The following TMTC1 variants were observed in gnomAD, a reference collection of about 807,000 sequenced individuals.
TMTC1 encodes the protein protein O-mannosyl-transferase TMTC1.
In TMTC1, 73 loss-of-function variants were observed where a neutral mutation model predicts 104.8. The ratio of observed to expected loss-of-function variants is 0.70; its 90% CI spans 0.58 to 0.85. TMTC1 has a LOEUF of 0.85. TMTC1 is among the 40% of genes least tolerant of loss of function. The probability of loss-of-function intolerance (pLI) is 0.00; values close to 1 mark genes in which losing one functional copy is unlikely to be tolerated. For missense variants in TMTC1, 1,035 were observed against 1,096.1 expected (o/e 0.94, Z 0.79); for synonymous variants, 434 against 428.7 (o/e 1.01, Z -0.15).
At chr12:29,527,328 A>G (rs1944376375) in intron 11 of TMTC1, among the ~76,000 whole-genome samples, 1 of 152,274 alleles carries the variant, frequency 6.6e-6, no homozygotes, top group Non-Finnish European at 1.5e-5. Flanking sequence ...CCATGCATGT[A>G]TACAGTGAAA....
chr12:29,533,805 A>C (rs552851282), intron 11 of TMTC1: 1 of 152,366 alleles, frequency 6.6e-6, no homozygotes, highest in East Asian at 1.9e-4. Context: ...CTAGAAAATC[A>C]GAAATGTCAG....
intron 6 of TMTC1, among the ~76,000 whole-genome samples, chr12:29,622,174 A>G (rs1937709286): frequency 6.6e-6 from 1 of 152,220 alleles, no homozygotes; most frequent in African/African-American, 2.4e-5. Context: ...GTCAGGTATC[A>G]GTAGCCCACC....
At chr12:29,738,361 C>T (rs1942736963) in intron 5 of TMTC1, among the ~76,000 whole-genome samples, 1 of 152,158 alleles carries the variant, frequency 6.6e-6, no homozygotes, top group Non-Finnish European at 1.5e-5. Flanking sequence ...AGTCAACATA[C>T]TATTTTCCTT....
intron 10 of TMTC1, among the ~76,000 whole-genome samples, chr12:29,555,154 T>C (rs921321724): frequency 2.1e-5 from 3 of 144,052 alleles, no homozygotes; most frequent in African/African-American, 7.8e-5. Flanking sequence ...TTTTTTTTTT[T>C]TGAGACAGAG....
intron 5 of TMTC1, among the ~76,000 whole-genome samples, chr12:29,704,651 C>T (rs1267284754): frequency 6.6e-6 from 1 of 152,132 alleles, no homozygotes; most frequent in Non-Finnish European, 1.5e-5. Flanking sequence ...TAATTTAAGA[C>T]TTTATAACTC....
At chr12:29,652,118 T>C (rs1414828458) in intron 5 of TMTC1, among the ~76,000 whole-genome samples, 3 of 152,132 alleles carry the variant, frequency 2.0e-5, no homozygotes, top group African/African-American at 7.2e-5. Context: ...CTCTGGTAAC[T>C]TGGTTGGCAC....
intron 11 of TMTC1, among the ~76,000 whole-genome samples, chr12:29,531,129 C>A (rs893912597): frequency 6.6e-6 from 1 of 152,156 alleles, no homozygotes; most frequent in Non-Finnish European, 1.5e-5. Context: ...TGAGGGTAAC[C>A]ACATACATAA....
Position 29,516,460 on chromosome 12 carries a change from C to CTGA in TMTC1, c.2193_2195dup (p.Gly731_Gln732insHis). On this transcript the variant is annotated inframe_insertion, in exon 15 of 18. Coordinates refer to ENST00000539277, the MANE Select transcript of TMTC1 (RefSeq NM_001193451.2). ...TGGTCATCTTTTCAGCTTCTTTTGT[C>CTGA]TGACCCATCACGGCCAAAACCTGAG... 6.2e-7 allele frequency: 1 copy of CTGA among 1,613,942 alleles called. No individual in the cohort carries two copies. The highest frequency in any genetic ancestry group is 8.5e-7 in the Non-Finnish European group (1 of 1,179,892).
chr12:29,552,984 AGT>A (rs1945145478), intron 10 of TMTC1, among the ~76,000 whole-genome samples: 4 of 152,234 alleles, frequency 2.6e-5, no homozygotes, highest in Non-Finnish European at 5.9e-5. Context: ...CAGTTATCTA[AGT>A]GCTATTTTCT....
intron 6 of TMTC1, among the ~76,000 whole-genome samples, chr12:29,607,896 C>A (rs952443875): frequency 6.6e-6 from 1 of 152,162 alleles, no homozygotes; most frequent in African/African-American, 2.4e-5. Flanking sequence ...ACACACAGCC[C>A]GCCACCCTAC....
At chr12:29,593,688 A>C (rs1261632452) in intron 7 of TMTC1, among the ~76,000 whole-genome samples, 1 of 152,100 alleles carries the variant, frequency 6.6e-6, no homozygotes, top group African/African-American at 2.4e-5. Flanking sequence ...ACCTCTCCCT[A>C]CTCTTCAATG....
At chr12:29,618,525 CA>C (rs1211060147) in intron 6 of TMTC1, among the ~76,000 whole-genome samples, 1 of 151,860 alleles carries the variant, frequency 6.6e-6, no homozygotes, top group Non-Finnish European at 1.5e-5. Flanking sequence ...CCTCCTTAGG[CA>C]ATGTACATGT....
intron 5 of TMTC1, among the ~76,000 whole-genome samples, chr12:29,690,810 T>C (rs938122392): frequency 1.3e-5 from 2 of 152,250 alleles, no homozygotes; most frequent in Admixed American, 6.5e-5. Flanking sequence ...CATTCAGTAA[T>C]TGATTTAAGA....
chr12:29,553,978 A>C (rs1945172288), intron 10 of TMTC1, among the ~76,000 whole-genome samples: 1 of 152,140 alleles, frequency 6.6e-6, no homozygotes, highest in African/African-American at 2.4e-5. Context: ...AAGCCTTTAT[A>C]TTTGGCTTCT....
chr12:29,520,572 G>T, intron 12 of TMTC1, 46 bp downstream of exon 12: 1 of 1,477,458 alleles, frequency 6.8e-7, no homozygotes, highest in Non-Finnish European at 9.4e-7. Flanking sequence ...TTGATAAATT[G>T]TATTAGCTAA....
At chr12:29,662,008 G>GTCTCTTAATACCGTC (rs1940051004) in intron 5 of TMTC1, among the ~76,000 whole-genome samples, 2 of 152,060 alleles carry the variant, frequency 1.3e-5, no homozygotes, top group Admixed American at 1.3e-4. Flanking sequence ...ATCAAGAGAC[G>GTCTCTTAATACCGTC]GTATTAAGAA....
chr12:29,571,465 T>G (rs1236251369), intron 9 of TMTC1, among the ~76,000 whole-genome samples: 2 of 151,996 alleles, frequency 1.3e-5, no homozygotes, highest in Non-Finnish European at 2.9e-5. Flanking sequence ...ACTAGCAGAT[T>G]GCTGCTAGTA....
At chr12:29,600,959 T>G (rs1652193953) in intron 7 of TMTC1, among the ~76,000 whole-genome samples, 1 of 152,198 alleles carries the variant, frequency 6.6e-6, no homozygotes, top group African/African-American at 2.4e-5. Flanking sequence ...TGAAAACTGG[T>G]TTACTGAAAT....
intron 1 of TMTC1, among the ~76,000 whole-genome samples, chr12:29,779,603 A>T (rs1249852310): frequency 2.6e-5 from 4 of 152,370 alleles, no homozygotes; most frequent in Non-Finnish European, 5.9e-5. Flanking sequence ...TCTATAAATT[A>T]CATTTATTCT....
Sources: allele counts gnomAD v4.1 joint callset (sites outside exome capture counted in the v4.1 genomes callset), GRCh38; gene constraint gnomAD v4.1.1; transcripts MANE v1.5; gene names NCBI Gene and HGNC (gene_info 2026-07-23, HGNC 2026-07-21).